The following POLB variants were observed in gnomAD, a reference collection of about 807,000 sequenced individuals.
POLB encodes the protein DNA polymerase beta, also known as 5'-dRP lyase.
In POLB, 37 loss-of-function variants were observed where a neutral mutation model predicts 52.7. That is an observed-to-expected ratio of 0.70 (90% CI 0.54 to 0.92). The LOEUF is 0.92. POLB is among the 40% of genes least tolerant of loss of function. The pLI is 0.00. For missense variants in POLB, 313 were observed against 400.8 expected (o/e 0.78, Z 1.87); for synonymous variants, 138 against 131.3 (o/e 1.05, Z -0.35).
At position 42,369,886 on chromosome 8, in the gene POLB, T is replaced by C. The variant is rs1177544506; in HGVS notation, c.811T>C (p.Tyr271His). ...AGATCAGTATTACTGTGGTGTTCTC[T>C]ATTTCACTGGGAGTGATATTTTCAA... ...PKDQYYCGVL[Y>H]FTGSDIFNKN... Residue 271 changes from tyrosine to histidine, a missense_variant, in exon 13 of 14, where the codon TAT becomes CAT. Physicochemically the swap from Tyr to His is moderately conservative, Grantham distance 83 (BLOSUM62 2). Coordinates refer to ENST00000265421, the MANE Select transcript of POLB (RefSeq NM_002690.3). The C allele has an allele frequency of 1.9e-6, 3 of 1,605,886 alleles. No homozygotes were observed. Among genetic ancestry groups the C allele is most frequent in the Non-Finnish European group, 1.7e-6 (2 of 1,173,624 alleles).
chr8:42,349,176 A>G (rs571540876), intron 4 of POLB, 86 bp downstream of exon 4: 1 of 733,814 alleles, frequency 1.4e-6, no homozygotes. Context: ...GACCAATGTC[A>G]TTCACTGTAG....
intron 6 of POLB, chr8:42,354,439 A>G (rs1290597040): frequency 7.8e-7 from 1 of 1,281,258 alleles, no homozygotes; most frequent in Non-Finnish European, 1.0e-6. Context: ...ATTCATGCCC[A>G]GTAAAGGGAC....
rs1209158757 is a variant in POLB, at chr8:42,349,029, C to T, written c.200C>T (p.Thr67Ile). ...TTTTCCATGTAGCCTGGAGTAGGAA[C>T]AAAAATTGCTGAAAAGATTGATGAG... ...AEAKKLPGVG[T>I]KIAEKIDEFL... is the part of the protein sequence containing the mutation. Residue 67 changes from threonine to isoleucine, a missense_variant, in exon 4 of 14, where the codon ACA becomes ATA. By Grantham distance (89) the Thr-to-Ile change is moderately conservative (BLOSUM62 -1). This residue lies in a region of POLB where 13 missense variants were observed against 39.8 expected (regional missense o/e 0.33). Transcript: ENST00000265421. The T allele has an allele frequency of 1.3e-6, 2 of 1,599,586 alleles. No individual in the cohort carries two copies. Among genetic ancestry groups the T allele is most frequent in the Non-Finnish European group, 1.7e-6 (2 of 1,168,324 alleles).
At chr8:42,353,687 G>A (rs114472469) in intron 6 of POLB, among the ~76,000 whole-genome samples, 189 of 152,236 alleles carry the variant, frequency 1.2e-3, no homozygotes, top group African/African-American at 4.5e-3. Flanking sequence ...TTTAGTATTT[G>A]TGAGTATTTG....
chr8:42,339,349 C>T (rs1822048756), intron 2 of POLB: 1 of 441,506 alleles, frequency 2.3e-6, no homozygotes, highest in South Asian at 2.5e-5. Context: ...TAATTTTAAC[C>T]GTAATGAAAG....
intron 3 of POLB, among the ~76,000 whole-genome samples, chr8:42,346,659 G>A (rs952321389): frequency 9.2e-5 from 14 of 152,026 alleles, no homozygotes; most frequent in Admixed American, 2.0e-4. Context: ...CTCCCAAAGT[G>A]CTGGGATTAC....
intron 3 of POLB, among the ~76,000 whole-genome samples, chr8:42,348,553 G>A (rs998764436): frequency 6.6e-6 from 1 of 152,120 alleles, no homozygotes; most frequent in Non-Finnish European, 1.5e-5. Context: ...CTCCAGACAT[G>A]GTGAATGAGA....
At chr8:42,369,414 A>G in intron 12 of POLB, 79 bp downstream of exon 12, 1 of 824,302 alleles carries the variant, frequency 1.2e-6, no homozygotes, top group Admixed American at 2.0e-5. Flanking sequence ...TGTATCTTGG[A>G]GTTCACATTC....
intron 5 of POLB, among the ~76,000 whole-genome samples, chr8:42,352,156 A>G (rs1461149883): frequency 6.6e-6 from 1 of 152,178 alleles, no homozygotes; most frequent in Non-Finnish European, 1.5e-5. Context: ...TATTGTCTCT[A>G]TCTACCCACT....
At chr8:42,362,003 C>G (rs530579575) in intron 10 of POLB, among the ~76,000 whole-genome samples, 1 of 152,334 alleles carries the variant, frequency 6.6e-6, no homozygotes, top group East Asian at 1.9e-4. Flanking sequence ...TGGCTCATGC[C>G]TGTAATCACA....
chr8:42,343,360 ATATATATATAC>A lies in POLB; in HGVS notation c.120-1592_120-1582del, dbSNP rs1184170872. Among the ~76,000 whole-genome samples the A allele has an allele frequency of 9.6e-4, 48 of 50,014 alleles. 1 individual carries two copies. Among genetic ancestry groups the A allele is most frequent in the African/African-American group, 1.6e-3 (45 of 27,550 alleles). 32.8% of individuals were successfully genotyped at this position (50,014 alleles called of 152,430 possible). On this transcript the variant is annotated intron_variant, in intron 2 of 13. Transcript: ENST00000265421. Reference sequence around the variant, plus strand: ...AAAAAAAAAAAATATATATATATATATATATATATACACAAAATTAGCCAGGTGTGGTAGCA... The same window carrying A: ...AAAAAAAAAAAATATATATATATATAACAAAATTAGCCAGGTGTGGTAGCA...
chr8:42,349,002 A>G lies in POLB; in HGVS notation c.187-14A>G. On this transcript the variant is annotated splice_polypyrimidine_tract_variant and intron_variant, in intron 3 of 13. Coordinates refer to ENST00000265421, the MANE Select transcript of POLB (RefSeq NM_002690.3). ...ATATTCATATGACTTTTATATTTCT[A>G]ATTTTCCATGTAGCCTGGAGTAGGA... The G allele has an allele frequency of 6.7e-7, 1 of 1,501,742 alleles. No individual in the cohort carries two copies. Among genetic ancestry groups the G allele is most frequent in the Non-Finnish European group, 9.2e-7 (1 of 1,085,690 alleles). The allele number at this position is 1,501,742 out of a possible 1,614,324, so 93.0% of individuals were successfully genotyped here.
intron 3 of POLB, 75 bp from the exon 4 acceptor site, chr8:42,348,941 C>T: frequency 2.5e-6 from 2 of 800,556 alleles, no homozygotes; most frequent in Non-Finnish European, 4.0e-6. Context: ...TCATTTTCTG[C>T]TTTTTACTTT....
At chr8:42,358,395 G>A (rs767876271) in intron 9 of POLB, among the ~76,000 whole-genome samples, 23 of 151,894 alleles carry the variant, frequency 1.5e-4, no homozygotes, top group Non-Finnish European at 3.2e-4. Flanking sequence ...CCAGCTCCTC[G>A]GGCGGCTGAG....
intron 10 of POLB, chr8:42,361,614 C>T (rs978131533): frequency 2.6e-5 from 11 of 421,828 alleles, no homozygotes; most frequent in East Asian, 1.3e-4. Context: ...AGTTTTAGAA[C>T]GATTTACTGT....
chr8:42,341,240 T>A (rs769807100), intron 2 of POLB, among the ~76,000 whole-genome samples: 3 of 152,224 alleles, frequency 2.0e-5, no homozygotes, highest in Non-Finnish European at 4.4e-5. Flanking sequence ...AAAACCCAAA[T>A]ACATCATAGC....
At chr8:42,365,560 T>C (rs1823985726) in intron 11 of POLB, among the ~76,000 whole-genome samples, 1 of 152,228 alleles carries the variant, frequency 6.6e-6, no homozygotes, top group Non-Finnish European at 1.5e-5. Flanking sequence ...AGTATCTTGC[T>C]ACGTCTGGGC....
At chr8:42,365,836 A>G (rs984675355) in intron 11 of POLB, among the ~76,000 whole-genome samples, 2 of 152,218 alleles carry the variant, frequency 1.3e-5, no homozygotes, top group African/African-American at 4.8e-5. Context: ...ATGGTGGCTC[A>G]CGCCTGTAAT....
At chr8:42,370,302 C>A in intron 13 of POLB, 1 of 393,082 alleles carries the variant, frequency 2.5e-6, no homozygotes. Context: ...TTTAATGTAC[C>A]TCTAGGACCC....
Sources: gnomAD v4.1 joint callset for allele counts (sites outside exome capture counted in the v4.1 genomes callset) on GRCh38, gnomAD v4.1.1 for gene constraint, gnomAD v4.1.1 regional missense constraint, MANE v1.5 for transcripts, NCBI Gene and HGNC (gene_info 2026-07-23, HGNC 2026-07-21) for gene names.